The following FAT1 variants were observed in gnomAD, a reference collection of about 807,000 sequenced individuals.
FAT1 encodes the protein FAT atypical cadherin 1.
Under a neutral mutation model 329.8 loss-of-function variants are expected in FAT1, and 171 were observed. The observed-to-expected ratio is 0.52, with a 90% CI of 0.46 to 0.59. The LOEUF (loss-of-function observed/expected upper bound fraction) is 0.59, where lower values mean the gene tolerates loss of function less well. Among genes scored for constraint, FAT1 ranks in the 20% least tolerant of loss-of-function variants. The pLI, the probability that FAT1 is intolerant of heterozygous loss-of-function variation, is 0.00. For missense variants in FAT1, 5,672 were observed against 5,774.4 expected (o/e 0.98, Z 0.57); for synonymous variants, 2,233 against 2,228.6 (o/e 1.00, Z -0.06).
At position 186,709,018 on chromosome 4, in the gene FAT1, G is replaced by T. The variant is rs1372551319; in HGVS notation, c.810C>A (p.Asp270Glu). The T allele has an allele frequency of 2.0e-5, 32 of 1,613,840 alleles. No individual in the cohort carries two copies. Among genetic ancestry groups the T allele is most frequent in the Non-Finnish European group, 2.7e-5 (32 of 1,179,900 alleles). Residue 270 changes from aspartate (D) to glutamate (E), a missense_variant, in exon 2 of 27, where the codon GAC (aspartate) becomes GAA (glutamate). Around this residue, in one of 2 missense-constraint regions of FAT1, gnomAD observed 3,966 missense variants for 3,915.2 expected, o/e 1.01. Transcript: ENST00000441802. ...VTLSPSELDR[D>E]PAYAIVTVDD... ...CCACTGTCACAATTGCATATGCTGG[G>T]TCCCTGTCCAGTTCTGATGGTGACA...
At chr4:186,604,138 T>C (rs556238538) in intron 18 of FAT1, among the ~76,000 whole-genome samples, 161 bp from the exon 19 acceptor site, 1 of 152,216 alleles carries the variant, frequency 6.6e-6, no homozygotes, top group Non-Finnish European at 1.5e-5. Flanking sequence ...AATTTCTTTA[T>C]AGCACTTCAC....
rs1219582357 is a variant in FAT1 at position 186,611,485 on chromosome 4, C to A, written c.9754G>T (p.Val3252Leu). Residue 3252 changes from valine (V) to leucine (L), a missense_variant, in exon 14 of 27, where the codon GTG (valine) becomes TTG (leucine). Coordinates refer to ENST00000441802, the MANE Select transcript of FAT1 (RefSeq NM_005245.4). ...TCAATATCCCGACTTGCTGCATACA[C>A]TTGAAGAACTTCAGTTCCAACAAGA... Reference protein sequence around the residue: ...DILVGTEVLQVYAASRDIEAN... With the variant: ...DILVGTEVLQLYAASRDIEAN... The A allele has an allele frequency of 1.9e-6, 3 of 1,613,990 alleles. No individual in the cohort carries two copies. The highest frequency in any genetic ancestry group is 2.5e-6 in the Non-Finnish European group (3 of 1,179,888).
At position 186,708,940 on chromosome 4, in the gene FAT1, T is replaced by G; in HGVS notation, c.888A>C (p.Ala296=). ...NGDIASLSIV[A]GDLLQQFRTV... is the part of the protein sequence containing the mutation. ...TTCTAAACTGCTGGAGAAGGTCACC[T>G]GCCACGATGCTTAAAGATGCTATGT... is the stretch of plus-strand genomic sequence containing the variant. Residue 296 remains alanine, a synonymous_variant, in exon 2 of 27, where the codon GCA becomes GCC. Transcript: ENST00000441802. The G allele has an allele frequency of 6.2e-7, 1 of 1,614,036 alleles. No homozygotes were observed. The highest frequency in any genetic ancestry group is 8.5e-7 in the Non-Finnish European group (1 of 1,179,884).
rs201085583 is a variant in FAT1, at chr4:186,617,758, G to C, written c.8828C>G (p.Thr2943Arg). The part of the protein sequence containing the change: ...QGGVIAILST[T>R]DADSEEINRQ... ...GTTGATCTCTTCAGAATCAGCATCCGTGGTACTTAAGATGGCAATCACCCC... is the reference window on the plus strand; with the variant it reads ...GTTGATCTCTTCAGAATCAGCATCCCTGGTACTTAAGATGGCAATCACCCC... Residue 2943 changes from threonine (T) to arginine (R), a missense_variant, in exon 10 of 27, where the codon ACG becomes AGG. Physicochemically the swap from Thr to Arg is moderately conservative, Grantham distance 71. Transcript: ENST00000441802. 4 of 1,611,880 alleles carry C rather than the reference G, an allele frequency of 2.5e-6. No homozygotes were observed. The Admixed American group carries it at 6.7e-5, about 27-fold the overall frequency.
At chr4:186,650,220 GAGAACCACAACTCAGCTA>G (rs1388542560) in intron 3 of FAT1, among the ~76,000 whole-genome samples, 1 of 152,162 alleles carries the variant, frequency 6.6e-6, no homozygotes, top group Non-Finnish European at 1.5e-5. Context: ...ATCTCTGGCT[GAGAACCACAACTCAGCTA>G]AGTCTTTTGT....
intron 2 of FAT1, among the ~76,000 whole-genome samples, chr4:186,666,431 C>T (rs368040586): frequency 1.8e-3 from 268 of 152,250 alleles, no homozygotes; most frequent in African/African-American, 6.3e-3. Flanking sequence ...GATACAAAGA[C>T]GTCAGGGGAT....
rs1256480755 is a variant in FAT1, at chr4:186,600,118, T to C, written c.11883A>G (p.Thr3961=). The C allele has an allele frequency of 1.2e-6, 2 of 1,614,066 alleles. No individual in the cohort carries two copies. Among genetic ancestry groups the C allele is most frequent in the Admixed American group, 1.7e-5 (1 of 60,028 alleles). The change falls in exon 22 of 27, where the codon ACA becomes ACG. Residue 3961 remains threonine, a synonymous_variant. Transcript: ENST00000441802. ...CAACTTGAGGACTTCTTCCATGCCT[T>C]GTTCCCTGCTGACGGATGTGGCCAC... The part of the protein sequence containing the change: ...FFGGHIRQQG[T]RHGRSPQVGN...
chr4:186,721,240 A>C (rs180864484), intron 1 of FAT1, among the ~76,000 whole-genome samples: 84 of 152,036 alleles, frequency 5.5e-4, no homozygotes, highest in Non-Finnish European at 9.6e-4. Context: ...TGGGACTTAC[A>C]GTAAAAGATG....
At chr4:186,663,040 G>A (rs540777291) in intron 3 of FAT1, among the ~76,000 whole-genome samples, 13 of 152,230 alleles carry the variant, frequency 8.5e-5, no homozygotes, top group African/African-American at 3.1e-4. Context: ...GTTTCACCAT[G>A]TTAGCCAGGA....
chr4:186,674,052 G>GT (rs1323176395), intron 2 of FAT1, among the ~76,000 whole-genome samples: 1 of 152,324 alleles, frequency 6.6e-6, no homozygotes, highest in African/African-American at 2.4e-5. Context: ...GCTTCTGGAA[G>GT]TTTGTTTCAA....
chr4:186,697,602 G>T (rs1579466096), intron 2 of FAT1, among the ~76,000 whole-genome samples: 1 of 152,328 alleles, frequency 6.6e-6, no homozygotes, highest in African/African-American at 2.4e-5. Context: ...CAAATATATA[G>T]AAAAGTGACC....
At chr4:186,681,443 T>C (rs1417503475) in intron 2 of FAT1, among the ~76,000 whole-genome samples, 1 of 152,180 alleles carries the variant, frequency 6.6e-6, no homozygotes, top group Non-Finnish European at 1.5e-5. Context: ...AAGGATGCTA[T>C]TATTCAAGAC....
chr4:186,687,528 T>C (rs1048660590), intron 2 of FAT1, among the ~76,000 whole-genome samples: 3 of 152,208 alleles, frequency 2.0e-5, no homozygotes, highest in Admixed American at 1.3e-4. Context: ...AGTATTACTA[T>C]ACAAACAGGA....
chr4:186,634,032 T>G lies in FAT1; in HGVS notation c.4184-209A>C, dbSNP rs539360585. Reference sequence around the variant, plus strand: ...GAACCCTAATTGTCCAGGAAGCAACTAACTGAAAGAAAGCAAGAAAGCAAC... The same window carrying G: ...GAACCCTAATTGTCCAGGAAGCAACGAACTGAAAGAAAGCAAGAAAGCAAC... On this transcript the variant is annotated intron_variant, in intron 6 of 26. Transcript: ENST00000441802. Among the ~76,000 whole-genome samples the G allele has an allele frequency of 4.6e-5, 7 of 152,296 alleles. No individual in the cohort carries two copies. In the East Asian group the frequency reaches 1.4e-3, roughly 29 times the overall value.
intron 2 of FAT1, among the ~76,000 whole-genome samples, chr4:186,674,225 A>C (rs1742851416): frequency 6.6e-6 from 1 of 152,252 alleles, no homozygotes; most frequent in South Asian, 2.1e-4. Flanking sequence ...CTTAAGGCTC[A>C]AAAGTCACTG....
chr4:186,595,557 T>C (rs1738458454), intron 26 of FAT1, 132 bp downstream of exon 26: 6 of 970,032 alleles, frequency 6.2e-6, no homozygotes, highest in Non-Finnish European at 9.2e-6. Flanking sequence ...TGTATGGTAT[T>C]GTTTAAAAGT....
chr4:186,635,828 A>G (rs1047731923), intron 6 of FAT1, among the ~76,000 whole-genome samples, 197 bp downstream of exon 6: 1 of 152,224 alleles, frequency 6.6e-6, no homozygotes, highest in Non-Finnish European at 1.5e-5. Flanking sequence ...TAGAGCACCT[A>G]TTTTAAGCAA....
At position 186,597,022 on chromosome 4, in the gene FAT1, G is replaced by A. The variant is rs369894626; in HGVS notation, c.12518C>T (p.Thr4173Met). 136 of 1,613,844 alleles carry A rather than the reference G, an allele frequency of 8.4e-5. No homozygotes were observed. Among genetic ancestry groups the A allele is most frequent in the East Asian group, 2.9e-4 (13 of 44,886 alleles). The change falls in exon 25 of 27, where the codon ACG becomes ATG. Residue 4173 changes from threonine to methionine, a missense_variant. By Grantham distance (81) the Thr-to-Met change is moderately conservative. Around this residue, in one of 2 missense-constraint regions of FAT1, gnomAD observed 1,706 missense variants for 1,859.1 expected, o/e 0.92. Coordinates refer to ENST00000441802, the MANE Select transcript of FAT1 (RefSeq NM_005245.4). ...EDAAPNQYVS[T>M]PWNIGLAEGI... ...TTCCGCCAACCCAATGTTCCACGGCGTGGACACATACTGGTTGGGCGCAGC... is the reference window on the plus strand; with the variant it reads ...TTCCGCCAACCCAATGTTCCACGGCATGGACACATACTGGTTGGGCGCAGC...
chr4:186,660,855 T>C (rs1742133737), intron 3 of FAT1, among the ~76,000 whole-genome samples: 1 of 152,184 alleles, frequency 6.6e-6, no homozygotes, highest in Non-Finnish European at 1.5e-5. Flanking sequence ...CCCACAGCAA[T>C]GCTAAGCTAT....
Sources: allele counts gnomAD v4.1 joint callset (sites outside exome capture counted in the v4.1 genomes callset), GRCh38; gene constraint gnomAD v4.1.1; regional missense constraint gnomAD v4.1.1; transcripts MANE v1.5; gene names NCBI Gene and HGNC (gene_info 2026-07-23, HGNC 2026-07-21).